The following SLC1A6 variants were observed in gnomAD, a reference collection of about 807,000 sequenced individuals.
The protein encoded by SLC1A6 is solute carrier family 1 member 6.
In SLC1A6, 15 loss-of-function variants were observed where a neutral mutation model predicts 42.1. The ratio of observed to expected loss-of-function variants is 0.36; its 90% CI spans 0.24 to 0.55. SLC1A6 has a LOEUF of 0.55. Among genes scored for constraint, SLC1A6 ranks in the 20% least tolerant of loss-of-function variants. The probability of loss-of-function intolerance (pLI) is 0.88; values close to 1 mark genes in which losing one functional copy is unlikely to be tolerated. For missense variants in SLC1A6, 542 were observed against 772.5 expected, an observed-to-expected ratio of 0.70 and a Z score of 3.54; for synonymous variants, 317 against 319.7, an observed-to-expected ratio of 0.99 and a Z score of 0.09.
At chr19:14,984,238 G>A (rs2045782129), upstream of SLC1A6, among the ~76,000 whole-genome samples, 1 of 152,170 alleles carries the variant, frequency 6.6e-6, no homozygotes, top group Non-Finnish European at 1.5e-5. Context: ...GAACCCAGGA[G>A]GCGGAAGTTG....
chr19:14,990,652 G>C (rs7249231), intron 1 of SLC1A6, among the ~76,000 whole-genome samples: 107,067 of 151,814 alleles, frequency 0.71, 38,076 homozygotes, highest in African/African-American at 0.8. Context: ...ACCTATAATC[G>C]CAGCTACTTA....
intron 1 of SLC1A6, among the ~76,000 whole-genome samples, chr19:14,997,621 C>T (rs1175148201): frequency 6.6e-6 from 1 of 152,098 alleles, no homozygotes; most frequent in Non-Finnish European, 1.5e-5. Flanking sequence ...AGATGCTTCC[C>T]CGGTGCACCT....
intron 1 of SLC1A6, among the ~76,000 whole-genome samples, chr19:14,994,917 A>G (rs1169647477): frequency 6.6e-6 from 1 of 152,226 alleles, no homozygotes; most frequent in Non-Finnish European, 1.5e-5. Context: ...ATTTGCAACC[A>G]CATGGATGAA....
chr19:14,957,428 T>C (rs1210944095), intron 6 of SLC1A6, among the ~76,000 whole-genome samples: 1 of 152,038 alleles, frequency 6.6e-6, no homozygotes, highest in Non-Finnish European at 1.5e-5. Context: ...GTCATGAGGG[T>C]AGAGCCATCA....
intron 1 of SLC1A6, among the ~76,000 whole-genome samples, chr19:14,996,571 C>CTTCTTCTTCTTCTTCTTCTTCTTCT (rs1309559476): frequency 6.3e-4 from 20 of 31,518 alleles, no homozygotes; most frequent in African/African-American, 7.9e-4. Flanking sequence ...GTTCTTCTTC[C>CTTCTTCTTCTTCTTCTTCTTCTTCT]TCTTCTTCTT....
intron 7 of SLC1A6, among the ~76,000 whole-genome samples, chr19:14,954,987 T>A (rs1385500360): frequency 6.6e-6 from 1 of 152,212 alleles, no homozygotes; most frequent in South Asian, 2.1e-4. Context: ...TGACCTCAGC[T>A]GTGCTAACTT....
chr19:14,950,324 C>A lies in SLC1A6; in HGVS notation c.1566G>T (p.Leu522Phe). The stretch of plus-strand genomic sequence containing the variant: ...CCTGAAGCTCCAGCTCCCGCTGAGA[C>A]AAGTGCTCGATGACGGCCGCTCCAA... ...DSIGAAVIEH[L>F]SQRELELQEA... Residue 522 changes from leucine to phenylalanine, a missense_variant, in exon 10 of 10, where the codon TTG becomes TTT. Physicochemically the swap from Leu to Phe is conservative, Grantham distance 22 (BLOSUM62 0). This residue lies in a region of SLC1A6 where 73 missense variants were observed against 85.2 expected (regional missense o/e 0.86). Coordinates refer to ENST00000594383, the MANE Select transcript of SLC1A6 (RefSeq NM_005071.3). 1.2e-6 allele frequency: 2 copies of A among 1,611,988 alleles called. No individual in the cohort carries two copies. The highest frequency in any genetic ancestry group is 8.5e-7 in the Non-Finnish European group (1 of 1,178,920).
chr19:14,977,955 T>C (rs2045729493), intron 1 of SLC1A6, among the ~76,000 whole-genome samples: 1 of 152,212 alleles, frequency 6.6e-6, no homozygotes, highest in African/African-American at 2.4e-5. Context: ...TATAAGTATA[T>C]ACCATCATGA....
intron 1 of SLC1A6, among the ~76,000 whole-genome samples, chr19:14,996,098 T>G (rs942646117): frequency 6.6e-6 from 1 of 152,242 alleles, no homozygotes; most frequent in Non-Finnish European, 1.5e-5. Context: ...GTTGGTGAAC[T>G]GCTTTCCAGG....
chr19:14,985,915 A>T (rs1189311285), intron 1 of SLC1A6, among the ~76,000 whole-genome samples: 2 of 152,118 alleles, frequency 1.3e-5, no homozygotes, highest in African/African-American at 4.8e-5. Context: ...CCGAGATCAC[A>T]CCACTGCACT....
intron 1 of SLC1A6, among the ~76,000 whole-genome samples, chr19:14,987,126 C>T (rs2045796579): frequency 6.6e-6 from 1 of 152,112 alleles, no homozygotes; most frequent in Non-Finnish European, 1.5e-5. Flanking sequence ...GATTTGCAGG[C>T]TACACTTTGC....
upstream of SLC1A6, among the ~76,000 whole-genome samples, chr19:14,982,065 A>AT (rs1292738664): frequency 1.3e-5 from 2 of 150,594 alleles, no homozygotes; most frequent in African/African-American, 4.9e-5. Flanking sequence ...CTCTAAAAAA[A>AT]AAAATAAAAT....
chr19:14,987,271 A>G (rs2045797242), intron 1 of SLC1A6, among the ~76,000 whole-genome samples: 1 of 152,090 alleles, frequency 6.6e-6, no homozygotes, highest in Non-Finnish European at 1.5e-5. Context: ...GATCGAGACC[A>G]GCCTGACCAA....
At chr19:14,966,967 C>A (rs1222224188) in intron 4 of SLC1A6, among the ~76,000 whole-genome samples, 2 of 152,094 alleles carry the variant, frequency 1.3e-5, no homozygotes, top group African/African-American at 4.8e-5. Flanking sequence ...ATAGGTGCTG[C>A]AAACCACCAT....
upstream of SLC1A6, among the ~76,000 whole-genome samples, chr19:14,980,478 C>G (rs1600024464): frequency 6.6e-6 from 1 of 152,110 alleles, no homozygotes; most frequent in Non-Finnish European, 1.5e-5. Context: ...ATCTGAGCAT[C>G]AGGTCTGTCG....
At position 14,979,367 on chromosome 19, in the gene SLC1A6, G is replaced by A. The variant is rs916047010; in HGVS notation, c.-66C>T. 2 of 152,360 alleles carry A rather than the reference G, an allele frequency of 1.3e-5. No individual in the cohort carries two copies. The highest frequency in any genetic ancestry group is 2.9e-5 in the Non-Finnish European group (2 of 68,184). The allele number at this position is 152,360 out of a possible 1,614,324, so 9.4% of individuals were successfully genotyped here. A position where few individuals can be genotyped will look rare whatever the true frequency, so the allele number is the denominator to read the frequency against. On this transcript the variant is annotated 5_prime_UTR_variant, in exon 1 of 10. Transcript: ENST00000594383. The surrounding 1 kb of genome is among the most constrained non-coding windows in gnomAD (Gnocchi z 4.2). ...TCTAAGGGGCAAGCAGGAGCTCAGA[G>A]ACAAAGGGCGGCGGAGAAGTGGGGA...
Position 14,950,094 on chromosome 19 carries a change from C to A in SLC1A6, c.*101G>T. On this transcript the variant is annotated 3_prime_UTR_variant, in exon 10 of 10. Coordinates refer to ENST00000594383, the MANE Select transcript of SLC1A6 (RefSeq NM_005071.3). Reference sequence around the variant, plus strand: ...TCCCCCCTAAATGAGTCAAGCAGAACGTGTGTTCAGCCCACGGTCAGTTGG... The same window carrying A: ...TCCCCCCTAAATGAGTCAAGCAGAAAGTGTGTTCAGCCCACGGTCAGTTGG... The A allele has an allele frequency of 1.3e-6, 1 of 772,874 alleles. No homozygotes were observed. The highest frequency in any genetic ancestry group is 1.9e-6 in the Non-Finnish European group (1 of 513,304). 47.9% of individuals were successfully genotyped at this position (772,874 alleles called of 1,614,324 possible).
At chr19:14,955,840 C>G (rs747154013) in intron 7 of SLC1A6, among the ~76,000 whole-genome samples, 108 of 150,828 alleles carry the variant, frequency 7.2e-4, no homozygotes, top group Non-Finnish European at 1.1e-3. Context: ...GAGGCTGAGG[C>G]AGGAGAATCA....
intron 1 of SLC1A6, chr19:14,976,829 C>T (rs1483393141): frequency 6.6e-6 from 1 of 152,204 alleles, no homozygotes; most frequent in Non-Finnish European, 1.5e-5. Context: ...AGGTCCCTGG[C>T]CTTTGTGTTT....
Sources: gnomAD v4.1 joint callset for allele counts (sites outside exome capture counted in the v4.1 genomes callset) on GRCh38, gnomAD v4.1.1 for gene constraint, gnomAD v4.1.1 regional missense constraint, Gnocchi (gnomAD v3.1) non-coding constraint, MANE v1.5 for transcripts, NCBI Gene and HGNC (gene_info 2026-07-23, HGNC 2026-07-21) for gene names.